POFUT3: variants seen among roughly 807,000 people sequenced by gnomAD.
POFUT3 encodes protein O-fucosyltransferase 3.
chr8:33,461,321 G>A, the POFUT3 span: 5 of 1,547,862 alleles, frequency 3.2e-6, no homozygotes, highest in Non-Finnish European at 4.4e-6. Context: ...GGGGTAGGGG[G>A]ACATGGCAAA....
the POFUT3 span, chr8:33,361,448 A>G: frequency 6.6e-6 from 1 of 152,228 alleles, no homozygotes; most frequent in Non-Finnish European, 1.5e-5. Flanking sequence ...AATACAATCC[A>G]CTTGTATCAC....
At chr8:33,350,036 T>A in the POFUT3 span, among the ~76,000 whole-genome samples, 7 of 152,334 alleles carry the variant, frequency 4.6e-5, no homozygotes, top group East Asian at 1.3e-3. Context: ...TGCATTTCCC[T>A]GATATTTAGT....
At chr8:33,389,360 G>A in the POFUT3 span, 4 of 1,614,158 alleles carry the variant, frequency 2.5e-6, 1 homozygote, top group South Asian at 4.4e-5. Context: ...CTTATACTGT[G>A]CAATGATCCT....
chr8:33,357,042 G>GGTACCA, the POFUT3 span, among the ~76,000 whole-genome samples: 1 of 152,036 alleles, frequency 6.6e-6, no homozygotes, highest in Admixed American at 6.6e-5. Flanking sequence ...TCTCTGTTTT[G>GGTACCA]GTACCAGTAC....
chr8:33,369,255 T>A, the POFUT3 span, among the ~76,000 whole-genome samples: 7,281 of 152,228 alleles, frequency 0.048, 384 homozygotes, highest in African/African-American at 0.13. Context: ...AGAAAGGCCA[T>A]ATAACTTGAC....
chr8:33,442,509 G>C, the POFUT3 span, among the ~76,000 whole-genome samples: 88,533 of 148,296 alleles, frequency 0.6, 26,152 homozygotes, highest in Middle Eastern at 0.65. Flanking sequence ...TGGTCTCCAT[G>C]TCCTGACCTT....
At chr8:33,397,229 C>T in the POFUT3 span, among the ~76,000 whole-genome samples, 1 of 152,274 alleles carries the variant, frequency 6.6e-6, no homozygotes, top group Admixed American at 6.5e-5. Context: ...CTGACAACTT[C>T]AATATCCAAG....
the POFUT3 span, among the ~76,000 whole-genome samples, chr8:33,330,125 G>A: frequency 6.6e-6 from 1 of 152,110 alleles, no homozygotes; most frequent in Non-Finnish European, 1.5e-5. Flanking sequence ...CACTCTCTTA[G>A]ATATGGGGTT....
chr8:33,370,474 G>A, the POFUT3 span, among the ~76,000 whole-genome samples: 1 of 152,234 alleles, frequency 6.6e-6, no homozygotes, highest in African/African-American at 2.4e-5. Flanking sequence ...TCCTGTGAGG[G>A]ACGTTGCTTT....
At chr8:33,384,429 T>G in the POFUT3 span, among the ~76,000 whole-genome samples, 3 of 152,134 alleles carry the variant, frequency 2.0e-5, no homozygotes. Flanking sequence ...GAATAGCAAT[T>G]AGTCCTTGCT....
At chr8:33,404,948 A>G in the POFUT3 span, among the ~76,000 whole-genome samples, 1 of 152,094 alleles carries the variant, frequency 6.6e-6, no homozygotes, top group Admixed American at 6.5e-5. Context: ...TCTTTTTTCT[A>G]TACATGATAA....
At chr8:33,360,210 C>T in the POFUT3 span, among the ~76,000 whole-genome samples, 2 of 151,926 alleles carry the variant, frequency 1.3e-5, no homozygotes, top group African/African-American at 2.4e-5. Flanking sequence ...TTTGGGAGGC[C>T]GAGGCAGGCG....
At chr8:33,324,111 A>G in the POFUT3 span, among the ~76,000 whole-genome samples, 2 of 152,156 alleles carry the variant, frequency 1.3e-5, no homozygotes, top group Non-Finnish European at 2.9e-5. Flanking sequence ...AGAGGTTTCC[A>G]TCCCAGTCAG....
chr8:33,460,839 G>T, the POFUT3 span: 8 of 631,392 alleles, frequency 1.3e-5, no homozygotes, highest in Non-Finnish European at 3.9e-6. Flanking sequence ...TTACTGGGAG[G>T]TATTTTCTCC....
chr8:33,470,112 A>C, the POFUT3 span, among the ~76,000 whole-genome samples: 2 of 151,670 alleles, frequency 1.3e-5, no homozygotes, highest in African/African-American at 2.4e-5. Flanking sequence ...GATTTTTAAA[A>C]TGGAAAGCTT....
chr8:33,417,018 G>C, the POFUT3 span, among the ~76,000 whole-genome samples: 1 of 152,150 alleles, frequency 6.6e-6, no homozygotes, highest in Admixed American at 6.5e-5. Context: ...ACAGACAATA[G>C]GAGGTGAGTG....
the POFUT3 span, among the ~76,000 whole-genome samples, chr8:33,344,153 G>C: frequency 6.6e-6 from 1 of 152,146 alleles, no homozygotes; most frequent in East Asian, 1.9e-4. Context: ...TCACACTCCT[G>C]AGAGTTTCCC....
chr8:33,425,989 C>T, the POFUT3 span, among the ~76,000 whole-genome samples: 2 of 152,042 alleles, frequency 1.3e-5, no homozygotes, highest in Admixed American at 6.6e-5. Flanking sequence ...CTGCAGCCAC[C>T]GCCTCCCGAG....
chr8:33,399,662 GT>G, the POFUT3 span, among the ~76,000 whole-genome samples: 6 of 149,312 alleles, frequency 4.0e-5, no homozygotes, highest in Admixed American at 6.7e-5. Flanking sequence ...TTATTTATTT[GT>G]TTTTTTTTTG....
Sources: gnomAD v4.1 joint callset for allele counts (sites outside exome capture counted in the v4.1 genomes callset) on GRCh38, gnomAD v4.1.1 for gene constraint, MANE v1.5 for transcripts, NCBI Gene and HGNC (gene_info 2026-07-23, HGNC 2026-07-21) for gene names.